Variants in COX7B2 observed in about 807,000 individuals in gnomAD.
COX7B2 encodes cytochrome c oxidase subunit 7B2, mitochondrial.
For synonymous variants in COX7B2, 37 were observed against 32.1 expected (o/e 1.15, Z -0.51); for missense variants, 109 against 95.9 (o/e 1.14, Z -0.57).
At chr4:46,771,206 GAA>G (rs1398294753) in intron 2 of COX7B2, among the ~76,000 whole-genome samples, 1 of 152,136 alleles carries the variant, frequency 6.6e-6, no homozygotes, top group Non-Finnish European at 1.5e-5. Flanking sequence ...CGCGTGTATG[GAA>G]AAATTCTCAA....
At chr4:46,754,728 GTATA>G (rs56248005) in intron 2 of COX7B2, among the ~76,000 whole-genome samples, 4 of 39,862 alleles carry the variant, frequency 1.0e-4, no homozygotes, top group South Asian at 1.9e-3. Context: ...GTGTGTGTGT[GTATA>G]TATATATATA....
chr4:46,817,015 CAGCAG>C, intron 2 of COX7B2, among the ~76,000 whole-genome samples: 1 of 152,092 alleles, frequency 6.6e-6, no homozygotes, highest in East Asian at 1.9e-4. Flanking sequence ...TCAGTGCTTT[CAGCAG>C]CTGCTCATGC....
At chr4:46,867,358 C>T (rs1717727151) in intron 1 of COX7B2, among the ~76,000 whole-genome samples, 1 of 152,174 alleles carries the variant, frequency 6.6e-6, no homozygotes, top group South Asian at 2.1e-4. Context: ...GATTTATGTT[C>T]TGATCCTGAC....
intron 2 of COX7B2, among the ~76,000 whole-genome samples, chr4:46,809,585 T>A (rs879304045): frequency 4.6e-5 from 7 of 151,916 alleles, no homozygotes; most frequent in Admixed American, 4.6e-4. Flanking sequence ...GAATTTTTCA[T>A]GATTTATCTA....
In COX7B2 at chr4:46,833,342, C is replaced by T. The variant is rs139654480; in HGVS notation, c.-50+11618G>A. On this transcript the variant is annotated intron_variant, in intron 2 of 2. Coordinates refer to ENST00000355591, the MANE Select transcript of COX7B2 (RefSeq NM_130902.3). ...GCATATATCTTTCACAAATGGCTCA[C>T]CAAAGAAAATGTAAACAAGAGGATG... 4.0e-3 allele frequency among the ~76,000 whole-genome samples: 612 copies of T among 152,070 alleles called. 2 individuals carry two copies. The highest frequency in any genetic ancestry group is 6.8e-3 in the Middle Eastern group (2 of 294).
At chr4:46,745,700 T>C (rs1360073752) in intron 2 of COX7B2, among the ~76,000 whole-genome samples, 1 of 152,188 alleles carries the variant, frequency 6.6e-6, no homozygotes, top group African/African-American at 2.4e-5. Flanking sequence ...GGTGCTTATT[T>C]TAGTGAACTG....
chr4:46,753,551 C>A (rs1235938557), intron 2 of COX7B2, among the ~76,000 whole-genome samples: 1 of 151,628 alleles, frequency 6.6e-6, no homozygotes, highest in Non-Finnish European at 1.5e-5. Flanking sequence ...ACACCTTATA[C>A]AAAAATTAAT....
chr4:46,760,846 T>G (rs1311542006), intron 2 of COX7B2, among the ~76,000 whole-genome samples: 1 of 152,116 alleles, frequency 6.6e-6, no homozygotes, highest in Non-Finnish European at 1.5e-5. Flanking sequence ...AGAAGATAAA[T>G]CTTAGTTAAG....
intron 2 of COX7B2, among the ~76,000 whole-genome samples, chr4:46,759,215 A>C (rs1211596569): frequency 1.3e-5 from 2 of 152,146 alleles, no homozygotes; most frequent in Non-Finnish European, 2.9e-5. Context: ...TACTAAATAC[A>C]TAGAGAAACG....
intron 2 of COX7B2, among the ~76,000 whole-genome samples, chr4:46,759,732 T>C (rs935759657): frequency 2.0e-5 from 3 of 151,742 alleles, no homozygotes; most frequent in Admixed American, 1.3e-4. Flanking sequence ...ATAGGAATAC[T>C]CTCAGGAACG....
intron 2 of COX7B2, among the ~76,000 whole-genome samples, chr4:46,836,368 T>G (rs115296849): frequency 0.03 from 4,542 of 152,042 alleles, 94 homozygotes; most frequent in Admixed American, 0.041. Flanking sequence ...TTTTTTATAT[T>G]TTTTTAAAGT....
At chr4:46,841,857 T>C (rs1004057557) in intron 2 of COX7B2, among the ~76,000 whole-genome samples, 1 of 151,914 alleles carries the variant, frequency 6.6e-6, no homozygotes, top group Non-Finnish European at 1.5e-5. Context: ...ATCTGGTATA[T>C]AAAAATCAAA....
In COX7B2 at chr4:46,886,384, T is replaced by G. The variant is rs1719083249; in HGVS notation, c.-105+22776A>C. On this transcript the variant is annotated intron_variant, in intron 1 of 2. Transcript: ENST00000355591. ...TCCACCACCTCAAACATTCATCTTATCTTTGTGTGGAGAACTTTGCAATTC... is the reference window on the plus strand; with the variant it reads ...TCCACCACCTCAAACATTCATCTTAGCTTTGTGTGGAGAACTTTGCAATTC... Among the ~76,000 whole-genome samples, 4 of 152,304 alleles carry G rather than the reference T, an allele frequency of 2.6e-5. No homozygotes were observed. In the South Asian group the frequency reaches 8.3e-4, roughly 32 times the overall value.
intron 2 of COX7B2, among the ~76,000 whole-genome samples, chr4:46,830,105 C>G (rs1714965236): frequency 6.6e-6 from 1 of 151,998 alleles, no homozygotes; most frequent in African/African-American, 2.4e-5. Context: ...GCGTGCAGAT[C>G]ATGAAGTCAG....
At chr4:46,762,194 A>G (rs1351825958) in intron 2 of COX7B2, among the ~76,000 whole-genome samples, 1 of 144,732 alleles carries the variant, frequency 6.9e-6, no homozygotes, top group Non-Finnish European at 1.5e-5. Flanking sequence ...TATATTGTGT[A>G]TAATTATAAT....
intron 2 of COX7B2, among the ~76,000 whole-genome samples, chr4:46,844,294 G>A (rs1018063989): frequency 2.0e-5 from 3 of 151,852 alleles, no homozygotes; most frequent in Non-Finnish European, 4.4e-5. Flanking sequence ...GGAAGTTTAG[G>A]AATTAAATAT....
At chr4:46,783,446 G>C (rs1262545597) in intron 2 of COX7B2, among the ~76,000 whole-genome samples, 1 of 152,148 alleles carries the variant, frequency 6.6e-6, no homozygotes, top group Non-Finnish European at 1.5e-5. Context: ...CTAGTAGCTA[G>C]GTCACTGGTG....
At chr4:46,907,998 C>A (rs566006352) in intron 1 of COX7B2, among the ~76,000 whole-genome samples, 8 of 151,664 alleles carry the variant, frequency 5.3e-5, no homozygotes, top group Non-Finnish European at 1.2e-4. Flanking sequence ...GGACTACAGG[C>A]GCGTGCGACC....
intron 2 of COX7B2, among the ~76,000 whole-genome samples, chr4:46,740,840 C>T (rs1417277351): frequency 6.6e-6 from 1 of 152,094 alleles, no homozygotes; most frequent in African/African-American, 2.4e-5. Flanking sequence ...CACTTAACCT[C>T]TGGGTTGATT....
Sources: gnomAD v4.1 joint callset for allele counts (sites outside exome capture counted in the v4.1 genomes callset) on GRCh38, gnomAD v4.1.1 for gene constraint, MANE v1.5 for transcripts, NCBI Gene and HGNC (gene_info 2026-07-23, HGNC 2026-07-21) for gene names.